PTPRD: variants seen among roughly 807,000 people sequenced by gnomAD.
The protein encoded by PTPRD is receptor-type tyrosine-protein phosphatase delta.
In PTPRD, 34 loss-of-function variants were observed where a neutral mutation model predicts 214.5. That is an observed-to-expected ratio of 0.16 (90% CI 0.12 to 0.21). The LOEUF is 0.21. PTPRD is among the 10% of genes least tolerant of loss of function. PTPRD has a pLI of 1.00. For missense variants in PTPRD, 2,545 were observed against 2,398.7 expected, an observed-to-expected ratio of 1.06 and a Z score of -1.27; for synonymous variants, 1,128 against 845.7, an observed-to-expected ratio of 1.33 and a Z score of -5.79.
intron 2 of PTPRD, among the ~76,000 whole-genome samples, chr9:10,403,625 A>G (rs1276700773): frequency 1.3e-5 from 2 of 151,544 alleles, no homozygotes; most frequent in Non-Finnish European, 3.0e-5. Context: ...ATGAACAATA[A>G]ACAAATTGTA....
chr9:8,656,770 G>C (rs2096917916), intron 12 of PTPRD, among the ~76,000 whole-genome samples: 1 of 152,176 alleles, frequency 6.6e-6, no homozygotes, highest in Admixed American at 6.5e-5. Flanking sequence ...TATAGGAAAG[G>C]TTTCTGGGAA....
At chr9:9,932,481 T>C (rs1246915400) in intron 5 of PTPRD, among the ~76,000 whole-genome samples, 3 of 139,242 alleles carry the variant, frequency 2.2e-5, no homozygotes, top group Non-Finnish European at 3.0e-5. Context: ...GTATCAGCAA[T>C]GGAAGATGAA....
At chr9:9,057,463 T>G (rs978178145) in intron 10 of PTPRD, among the ~76,000 whole-genome samples, 1 of 152,174 alleles carries the variant, frequency 6.6e-6, no homozygotes, top group Non-Finnish European at 1.5e-5. Context: ...CTTTGAAAAC[T>G]ATATGTTAAA....
intron 3 of PTPRD, among the ~76,000 whole-genome samples, chr9:10,159,820 A>T (rs2099116535): frequency 6.6e-6 from 1 of 152,076 alleles, no homozygotes; most frequent in Non-Finnish European, 1.5e-5. Flanking sequence ...AGAGGGAAAA[A>T]AAAGATTGAA....
intron 9 of PTPRD, among the ~76,000 whole-genome samples, chr9:9,360,389 G>A (rs1204035751): frequency 1.3e-5 from 2 of 151,170 alleles, no homozygotes; most frequent in Non-Finnish European, 3.0e-5. Flanking sequence ...TTAGACTTAG[G>A]CAAGTAAAAT....
rs149208777 is a variant in PTPRD, at chr9:8,353,709, C to A, written c.4662-11731G>T. 8.1e-3 allele frequency among the ~76,000 whole-genome samples: 1,232 copies of A among 151,976 alleles called. 15 individuals are homozygous for A. Among genetic ancestry groups the A allele is most frequent in the African/African-American group, 0.027 (1,118 of 41,418 alleles). On this transcript the variant is annotated intron_variant, in intron 39 of 45. Transcript: ENST00000381196. ...TCAGCCCCCCAAAGTGGTGGGATTA[C>A]AGGCATGAGCCACTGCACCCAGCCA...
At chr9:10,143,423 G>C (rs1044898027) in intron 3 of PTPRD, among the ~76,000 whole-genome samples, 2 of 152,020 alleles carry the variant, frequency 1.3e-5, no homozygotes, top group African/African-American at 4.8e-5. Context: ...ATGTTGTTAA[G>C]GCTCTGGAGA....
chr9:8,839,395 G>C (rs1467870190), intron 11 of PTPRD, among the ~76,000 whole-genome samples: 2 of 152,074 alleles, frequency 1.3e-5, no homozygotes, highest in African/African-American at 2.4e-5. Context: ...GCGCGATCTT[G>C]GCTCACTGCA....
chr9:8,322,968 G>C (rs1454418956), intron 44 of PTPRD, among the ~76,000 whole-genome samples: 1 of 152,092 alleles, frequency 6.6e-6, no homozygotes, highest in Non-Finnish European at 1.5e-5. Context: ...TCAAGTGAAA[G>C]GAAGAGTTAT....
chr9:9,027,575 C>T (rs912310876), intron 10 of PTPRD, among the ~76,000 whole-genome samples: 25 of 151,894 alleles, frequency 1.6e-4, no homozygotes, highest in African/African-American at 6.0e-4. Context: ...TCCCTAATTC[C>T]AGTTATTGTA....
chr9:8,870,252 A>C (rs1236136123), intron 11 of PTPRD, among the ~76,000 whole-genome samples: 4 of 152,152 alleles, frequency 2.6e-5, no homozygotes, highest in Non-Finnish European at 4.4e-5. Flanking sequence ...TAACATGAAA[A>C]AAAGACAGTC....
chr9:9,575,091 T>C (rs2088004397), intron 7 of PTPRD, among the ~76,000 whole-genome samples: 1 of 152,172 alleles, frequency 6.6e-6, no homozygotes, highest in Non-Finnish European at 1.5e-5. Context: ...TGTATTTTGC[T>C]AGATAACCTT....
chr9:8,563,549 G>A (rs1211030828), intron 14 of PTPRD, among the ~76,000 whole-genome samples: 4 of 149,636 alleles, frequency 2.7e-5, no homozygotes, highest in East Asian at 4.0e-4. Flanking sequence ...CAATTCTCCT[G>A]CCTCAGCCTC....
intron 8 of PTPRD, among the ~76,000 whole-genome samples, chr9:9,458,407 A>G (rs984137637): frequency 5.3e-5 from 8 of 152,124 alleles, no homozygotes; most frequent in African/African-American, 1.9e-4. Context: ...TAACAAAAAA[A>G]AATTGTAAAT....
At chr9:10,213,569 G>A (rs868722350) in intron 3 of PTPRD, among the ~76,000 whole-genome samples, 2 of 152,094 alleles carry the variant, frequency 1.3e-5, no homozygotes, top group African/African-American at 4.8e-5. Context: ...ATTTCATTAC[G>A]TTAAACCACT....
intron 21 of PTPRD, among the ~76,000 whole-genome samples, chr9:8,509,298 A>T (rs957180358): frequency 2.0e-5 from 3 of 152,212 alleles, no homozygotes; most frequent in Non-Finnish European, 4.4e-5. Context: ...CAATAATGGA[A>T]ACAAGAGTGA....
At position 8,720,512 on chromosome 9, in the gene PTPRD, T is replaced by C. The variant is rs182223077; in HGVS notation, c.64+13268A>G. ...TGATTTCCAATTTACCACACCATGA[T>C]GATGAGTAAAAAGTGACAACATGAT... On this transcript the variant is annotated intron_variant, in intron 12 of 45. Transcript: ENST00000381196. Among the ~76,000 whole-genome samples the C allele has an allele frequency of 1.5e-4, 23 of 152,290 alleles. No homozygotes were observed. The East Asian group carries it at 4.1e-3, about 27-fold the overall frequency.
intron 10 of PTPRD, among the ~76,000 whole-genome samples, chr9:9,061,217 T>A (rs1255487602): frequency 2.6e-5 from 4 of 152,194 alleles, no homozygotes; most frequent in Non-Finnish European, 4.4e-5. Context: ...AAATTTGTTT[T>A]GTGTGTTTTT....
intron 8 of PTPRD, among the ~76,000 whole-genome samples, chr9:9,554,687 A>G: frequency 6.6e-6 from 1 of 152,048 alleles, no homozygotes; most frequent in East Asian, 1.9e-4. Context: ...GTGTCTTCAA[A>G]TGAATAAGAA....
Sources: allele counts gnomAD v4.1 joint callset (sites outside exome capture counted in the v4.1 genomes callset), GRCh38; gene constraint gnomAD v4.1.1; transcripts MANE v1.5; gene names NCBI Gene and HGNC (gene_info 2026-07-23, HGNC 2026-07-21).